PDE1C: variants seen among roughly 807,000 people sequenced by gnomAD.
The protein encoded by PDE1C is phosphodiesterase 1C.
PDE1C carries 62 observed loss-of-function variants against 93.1 expected under a neutral mutation model. The ratio of observed to expected loss-of-function variants is 0.67; its 90% CI spans 0.54 to 0.82. PDE1C has a LOEUF of 0.82. Ranked by LOEUF, PDE1C falls within the 40% of genes least tolerant of loss-of-function variation. PDE1C has a pLI of 0.00. For missense variants in PDE1C, 742 were observed against 884.6 expected, an observed-to-expected ratio of 0.84 and a Z score of 2.04; for synonymous variants, 325 against 310.1, an observed-to-expected ratio of 1.05 and a Z score of -0.50.
chr7:31,850,726 G>C lies in PDE1C; in HGVS notation c.766C>G (p.Leu256Val). The C allele has an allele frequency of 1.2e-6, 2 of 1,612,000 alleles. No individual in the cohort carries two copies. The highest frequency in any genetic ancestry group is 1.7e-6 in the Non-Finnish European group (2 of 1,178,230). Residue 256 changes from leucine (L) to valine (V), a missense_variant, in exon 8 of 18, where the codon CTG (leucine) becomes GTG (valine). Physicochemically the swap from Leu to Val is conservative, Grantham distance 32 (BLOSUM62 1). Transcript: ENST00000396191. ...KTGVANWLTE[L>V]EIFAIIFSAA... ...GAGAAGATTATAGCAAAGATCTCCA[G>C]CTCCGTCAGCCAGTTCTGAAAGGAG... is the stretch of plus-strand genomic sequence containing the variant.
chr7:32,092,122 A>G (rs1250550012), intron 3 of PDE1C, among the ~76,000 whole-genome samples: 1 of 152,098 alleles, frequency 6.6e-6, no homozygotes, highest in Non-Finnish European at 1.5e-5. Context: ...GAGAGAAACA[A>G]TAAGATGTTT....
intron 1 of PDE1C, among the ~76,000 whole-genome samples, chr7:32,221,213 C>A (rs896288646): frequency 5.3e-5 from 8 of 152,202 alleles, no homozygotes; most frequent in Non-Finnish European, 8.8e-5. Context: ...TAAGTCATTG[C>A]CGAAAGAAGA....
chr7:32,356,518 A>C (rs541208123), intron 1 of PDE1C, among the ~76,000 whole-genome samples: 1 of 152,300 alleles, frequency 6.6e-6, no homozygotes, highest in Non-Finnish European at 1.5e-5. Context: ...ATTATTTAGA[A>C]TCTCATTTAG....
chr7:31,786,894 TATCTATCTATCTATCTATC>T (rs1002168535), intron 16 of PDE1C: 1 of 4,456 alleles, frequency 2.2e-4, no homozygotes, highest in African/African-American at 2.7e-4. Flanking sequence ...TATATTATAT[TATCTATCTATCTATCTATC>T]TATCTATCTA....
intron 1 of PDE1C, among the ~76,000 whole-genome samples, chr7:32,216,773 G>C (rs534230511): frequency 6.6e-6 from 1 of 152,154 alleles, no homozygotes; most frequent in Non-Finnish European, 1.5e-5. Flanking sequence ...CAAACCCTAT[G>C]TAAACCCAGG....
intron 1 of PDE1C, among the ~76,000 whole-genome samples, chr7:32,356,229 A>G (rs938426817): frequency 2.6e-5 from 4 of 152,226 alleles, no homozygotes; most frequent in African/African-American, 9.6e-5. Flanking sequence ...GAACCCCAAG[A>G]AATCAGAAGT....
intron 3 of PDE1C, among the ~76,000 whole-genome samples, chr7:32,160,031 A>G (rs547346029): frequency 6.6e-5 from 10 of 152,246 alleles, no homozygotes; most frequent in Admixed American, 5.2e-4. Flanking sequence ...GCTGAACCAC[A>G]TAAGAATCAA....
chr7:32,099,686 C>T (rs1315365964), intron 3 of PDE1C, among the ~76,000 whole-genome samples: 1 of 152,194 alleles, frequency 6.6e-6, no homozygotes, highest in Non-Finnish European at 1.5e-5. Context: ...TTCCAGCCTC[C>T]TCATCTCCCA....
At chr7:31,744,690 C>A in the PDE1C span, among the ~76,000 whole-genome samples, 2 of 152,136 alleles carry the variant, frequency 1.3e-5, no homozygotes, top group South Asian at 2.1e-4. Context: ...CATTCAAATT[C>A]TTTTAAGATG....
the PDE1C span, among the ~76,000 whole-genome samples, chr7:31,660,682 A>G: frequency 1.3e-5 from 2 of 152,044 alleles, no homozygotes; most frequent in African/African-American, 4.8e-5. Flanking sequence ...CATTCTTCTG[A>G]TATCTTCATC....
chr7:31,630,579 G>T, the PDE1C span, among the ~76,000 whole-genome samples: 1 of 152,124 alleles, frequency 6.6e-6, no homozygotes, highest in East Asian at 1.9e-4. Flanking sequence ...TATTAGTGAT[G>T]CCTACTTTCA....
At chr7:32,189,933 A>G (rs368926940) in intron 2 of PDE1C, among the ~76,000 whole-genome samples, 77 of 152,298 alleles carry the variant, frequency 5.1e-4, no homozygotes, top group Middle Eastern at 3.4e-3. Context: ...TTTTGTATCT[A>G]CTTCTAAGAT....
At chr7:32,298,221 T>C (rs934929134) in intron 1 of PDE1C, among the ~76,000 whole-genome samples, 1 of 151,958 alleles carries the variant, frequency 6.6e-6, no homozygotes, top group Admixed American at 6.6e-5. Context: ...CGTGTCTGGA[T>C]GTTCCTGCCG....
chr7:31,868,031 CT>C (rs1346664842), intron 6 of PDE1C, among the ~76,000 whole-genome samples: 1 of 152,204 alleles, frequency 6.6e-6, no homozygotes, highest in East Asian at 1.9e-4. Context: ...ATCATAGATA[CT>C]TCTTCAGGAA....
chr7:32,216,510 T>A (rs1806444912), intron 1 of PDE1C, among the ~76,000 whole-genome samples: 2 of 152,146 alleles, frequency 1.3e-5, no homozygotes, highest in South Asian at 4.1e-4. Flanking sequence ...CTCCTAGCAA[T>A]CTACCATTCA....
At chr7:31,663,388 T>C in the PDE1C span, among the ~76,000 whole-genome samples, 26 of 152,178 alleles carry the variant, frequency 1.7e-4, no homozygotes, top group African/African-American at 6.3e-4. Context: ...AGGCAAAAGA[T>C]TTCTGCTTTC....
At chr7:31,775,607 C>T in intron 17 of PDE1C, 57 bp downstream of exon 17, 1 of 1,430,626 alleles carries the variant, frequency 7.0e-7, no homozygotes, top group East Asian at 2.3e-5. Context: ...TCCCGAGAAA[C>T]CAGGCCTTTC....
At chr7:32,070,018 G>A (rs1400455750) in intron 1 of PDE1C, among the ~76,000 whole-genome samples, 1 of 152,016 alleles carries the variant, frequency 6.6e-6, no homozygotes, top group African/African-American at 2.4e-5. Context: ...ATTGAGTATT[G>A]GGCCACCATA....
At chr7:31,620,938 G>T in the PDE1C span, among the ~76,000 whole-genome samples, 1 of 151,998 alleles carries the variant, frequency 6.6e-6, no homozygotes, top group African/African-American at 2.4e-5. Context: ...GAAAGCCAAG[G>T]CTCAAGAACT....
Sources: allele counts gnomAD v4.1 joint callset (sites outside exome capture counted in the v4.1 genomes callset), GRCh38; gene constraint gnomAD v4.1.1; transcripts MANE v1.5; gene names NCBI Gene and HGNC (gene_info 2026-07-23, HGNC 2026-07-21).